Variants in DDX19B observed in about 807,000 individuals in gnomAD.
The protein encoded by DDX19B is DEAD-box helicase 19B, also known as ATP-dependent RNA helicase DDX19B.
A neutral mutation model predicts 58.1 loss-of-function variants in DDX19B; 27 were observed. The ratio of observed to expected loss-of-function variants is 0.46; its 90% CI spans 0.34 to 0.64. The LOEUF (loss-of-function observed/expected upper bound fraction) is 0.64. Among genes scored for constraint, DDX19B ranks in the 30% least tolerant of loss-of-function variants. The probability of loss-of-function intolerance (pLI) is 0.01; values close to 1 mark genes in which losing one functional copy is unlikely to be tolerated. For synonymous variants in DDX19B, 187 were observed against 214.4 expected (o/e 0.87, Z 1.12); for missense variants, 399 against 596.5 (o/e 0.67, Z 3.45).
At chr16:70,326,320 C>CA (rs1190812757) in intron 7 of DDX19B, among the ~76,000 whole-genome samples, 2 of 151,932 alleles carry the variant, frequency 1.3e-5, no homozygotes, top group Admixed American at 6.6e-5. Context: ...AATAAAAATA[C>CA]AAAAAAATTA....
At chr16:70,320,300 G>T (rs1432282630) in intron 5 of DDX19B, among the ~76,000 whole-genome samples, 1 of 151,356 alleles carries the variant, frequency 6.6e-6, no homozygotes, top group Non-Finnish European at 1.5e-5. Context: ...TAGAGATGGG[G>T]TCTTGCTATG....
At chr16:70,313,438 A>G (rs999756972) in intron 2 of DDX19B, among the ~76,000 whole-genome samples, 1 of 152,172 alleles carries the variant, frequency 6.6e-6, no homozygotes, top group African/African-American at 2.4e-5. Flanking sequence ...GGAGTGAGAT[A>G]TTACACCTGG....
At chr16:70,305,961 C>T (rs984012604) in intron 1 of DDX19B, among the ~76,000 whole-genome samples, 3 of 152,030 alleles carry the variant, frequency 2.0e-5, no homozygotes, top group Admixed American at 6.6e-5. Flanking sequence ...GATGAGGTTT[C>T]ACCGTGTTAG....
chr16:70,319,962 T>TTG (rs1962675587), intron 5 of DDX19B, among the ~76,000 whole-genome samples: 1 of 152,186 alleles, frequency 6.6e-6, no homozygotes, highest in Admixed American at 6.6e-5. Flanking sequence ...TTCTGTGTCA[T>TTG]AACAGTGACA....
Position 70,334,598 on chromosome 16 carries a change from T to C in DDX19B, c.*1016T>C, listed in dbSNP as rs1223091591. 6.6e-6 allele frequency: 1 copy of C among 152,198 alleles called. No homozygotes were observed. The highest frequency in any genetic ancestry group is 1.5e-5 in the Non-Finnish European group (1 of 68,036). The allele number at this position is 152,198 out of a possible 1,614,324, so 9.4% of individuals were successfully genotyped here. A position where few individuals can be genotyped will look rare whatever the true frequency, so the allele number is the denominator to read the frequency against. On this transcript the variant is annotated 3_prime_UTR_variant, in exon 12 of 12. Transcript: ENST00000288071. Reference sequence around the variant, plus strand: ...GTCAGAGCTGGGGAATAATTTCAGATATTTGACATCTTGATTATAAAGGGC... The same window carrying C: ...GTCAGAGCTGGGGAATAATTTCAGACATTTGACATCTTGATTATAAAGGGC...
intron 4 of DDX19B, 136 bp downstream of exon 4, chr16:70,316,240 C>A: frequency 7.9e-7 from 1 of 1,267,144 alleles, no homozygotes; most frequent in Non-Finnish European, 1.1e-6. Context: ...GACAGAGTCT[C>A]ACTCTGTTGC....
At chr16:70,295,934 A>G (rs1961201097), upstream of DDX19B, among the ~76,000 whole-genome samples, 1 of 151,892 alleles carries the variant, frequency 6.6e-6, no homozygotes, top group African/African-American at 2.4e-5. Flanking sequence ...AGCATACTCA[A>G]TCCACCCCCA....
At position 70,316,522 on chromosome 16, in the gene DDX19B, A is replaced by G. The variant is rs555609873; in HGVS notation, c.296+418A>G. 7.9e-5 allele frequency among the ~76,000 whole-genome samples: 12 copies of G among 152,250 alleles called. No homozygotes were observed. In the East Asian group the frequency reaches 1.5e-3, roughly 20 times the overall value. Reference sequence around the variant, plus strand: ...CGCACCCAGCTGCTAACCAAGTTTTATAAAAGAATTTAGCTGGGTGCCGTA... The same window carrying G: ...CGCACCCAGCTGCTAACCAAGTTTTGTAAAAGAATTTAGCTGGGTGCCGTA... On this transcript the variant is annotated intron_variant, in intron 4 of 11. Coordinates refer to ENST00000288071, the MANE Select transcript of DDX19B (RefSeq NM_007242.7).
chr16:70,299,361 T>C lies in DDX19B; in HGVS notation c.57+7T>C, dbSNP rs770218240. The C allele has an allele frequency of 1.2e-6, 2 of 1,606,002 alleles. No individual in the cohort carries two copies. The highest frequency in any genetic ancestry group is 1.7e-5 in the Admixed American group (1 of 58,776). ...GGAAGCTGCGGCTGAGTCGGTGAGT[T>C]GGCTTCAGCCCTAAAAGGGTCAGGG... is the stretch of plus-strand genomic sequence containing the variant. On this transcript the variant is annotated splice_region_variant and intron_variant, in intron 1 of 11. Coordinates refer to ENST00000288071, the MANE Select transcript of DDX19B (RefSeq NM_007242.7).
At chr16:70,315,047 C>T (rs1446102622) in intron 3 of DDX19B, 92 bp downstream of exon 3, 21 of 1,414,648 alleles carry the variant, frequency 1.5e-5, no homozygotes, top group East Asian at 2.5e-5. Context: ...CCCAGTTTGG[C>T]TTGACTTTAA....
At chr16:70,305,255 A>T (rs889933160) in intron 1 of DDX19B, among the ~76,000 whole-genome samples, 2 of 152,136 alleles carry the variant, frequency 1.3e-5, no homozygotes, top group African/African-American at 4.8e-5. Context: ...TGGAGGTCTG[A>T]CTCAGTGTTC....
At chr16:70,317,718 G>C (rs893669471) in intron 5 of DDX19B, 130 bp downstream of exon 5, 4 of 654,546 alleles carry the variant, frequency 6.1e-6, no homozygotes, top group Non-Finnish European at 9.7e-6. Flanking sequence ...CAGGAGGATC[G>C]TTTCAGGCCA....
At position 70,333,992 on chromosome 16, in the gene DDX19B, G is replaced by A. The variant is rs1963614242; in HGVS notation, c.*410G>A. ...AAGTAATGGAATAGTGGTGGAAAGGGAACACAGAGAGGGAGGCTTCCAGTA... is the reference window on the plus strand; with the variant it reads ...AAGTAATGGAATAGTGGTGGAAAGGAAACACAGAGAGGGAGGCTTCCAGTA... On this transcript the variant is annotated 3_prime_UTR_variant, in exon 12 of 12. Transcript: ENST00000288071. 4.0e-6 allele frequency: 1 copy of A among 251,838 alleles called. No homozygotes were observed. The highest frequency in any genetic ancestry group is 2.3e-5 in the African/African-American group (1 of 43,922). The allele number at this position is 251,838 out of a possible 1,614,324, so 15.6% of individuals were successfully genotyped here.
At chr16:70,310,563 C>G (rs1420687930) in intron 1 of DDX19B, among the ~76,000 whole-genome samples, 1 of 151,718 alleles carries the variant, frequency 6.6e-6, no homozygotes, top group Non-Finnish European at 1.5e-5. Flanking sequence ...AAAGAAAGAA[C>G]CATTAGGTTG....
Position 70,299,225 on chromosome 16 carries a change from C to A in DDX19B, c.-73C>A, listed in dbSNP as rs1961347965. On this transcript the variant is annotated 5_prime_UTR_variant, in exon 1 of 12. Coordinates refer to ENST00000288071, the MANE Select transcript of DDX19B (RefSeq NM_007242.7). Reference sequence around the variant, plus strand: ...GGGCTGGAGCAGAGCCTGCCGCGAACCCCCGGAGCCCACGATCCCTCGTGC... The same window carrying A: ...GGGCTGGAGCAGAGCCTGCCGCGAAACCCCGGAGCCCACGATCCCTCGTGC... 3.4e-6 allele frequency: 5 copies of A among 1,457,632 alleles called. No individual in the cohort carries two copies. Among genetic ancestry groups the A allele is most frequent in the Non-Finnish European group, 3.6e-6 (4 of 1,104,020 alleles). The allele number at this position is 1,457,632 out of a possible 1,614,324, so 90.3% of individuals were successfully genotyped here. A position where few individuals can be genotyped will look rare whatever the true frequency, so the allele number is the denominator to read the frequency against.
intron 5 of DDX19B, among the ~76,000 whole-genome samples, chr16:70,318,637 CAAA>C (rs994284086): frequency 6.9e-6 from 1 of 145,536 alleles, no homozygotes; most frequent in South Asian, 2.2e-4. Context: ...ACTAAAAATA[CAAA>C]AAAAAAATTA....
chr16:70,305,816 A>C lies in DDX19B; in HGVS notation c.57+6462A>C, dbSNP rs540824623. Among the ~76,000 whole-genome samples the C allele has an allele frequency of 5.9e-5, 9 of 152,118 alleles. No homozygotes were observed. The East Asian group carries it at 1.7e-3, about 29-fold the overall frequency. On this transcript the variant is annotated intron_variant, in intron 1 of 11. Coordinates refer to ENST00000288071, the MANE Select transcript of DDX19B (RefSeq NM_007242.7). ...CACTCTGTCGCCCAGGCTGGAGTGC[A>C]GTGGCGCAATCTCGGCTCACTGCAA...
chr16:70,318,900 C>G (rs113877777), intron 5 of DDX19B, among the ~76,000 whole-genome samples: 2 of 151,774 alleles, frequency 1.3e-5, no homozygotes, highest in African/African-American at 4.8e-5. Context: ...CTCCGGAGAT[C>G]GAGACCATCC....
intron 5 of DDX19B, among the ~76,000 whole-genome samples, chr16:70,323,021 T>C (rs1962932428): frequency 6.6e-6 from 1 of 152,136 alleles, no homozygotes; most frequent in African/African-American, 2.4e-5. Context: ...TGTTTGTTTG[T>C]TTGTTTTTTC....
Sources: gnomAD v4.1 joint callset for allele counts (sites outside exome capture counted in the v4.1 genomes callset) on GRCh38, gnomAD v4.1.1 for gene constraint, MANE v1.5 for transcripts, NCBI Gene and HGNC (gene_info 2026-07-23, HGNC 2026-07-21) for gene names.